Variants in SNX15 observed in about 807,000 individuals in gnomAD.
SNX15 encodes sorting nexin 15, also known as sorting nexin-15.
A neutral mutation model predicts 35.2 loss-of-function variants in SNX15; 29 were observed. That is an observed-to-expected ratio of 0.82 (90% CI 0.61 to 1.12). The LOEUF (loss-of-function observed/expected upper bound fraction) is 1.12, where lower values mean the gene tolerates loss of function less well. SNX15 is among the 50% of genes most tolerant of loss of function. SNX15 has a pLI of 0.00. For synonymous variants in SNX15, 189 were observed against 188.2 expected (o/e 1.00, Z -0.03); for missense variants, 400 against 451.5 (o/e 0.89, Z 1.03).
Position 65,027,499 on chromosome 11 carries a change from G to A in SNX15, c.-39G>A. 1 of 1,554,948 alleles carries A rather than the reference G, an allele frequency of 6.4e-7. No individual in the cohort carries two copies. Among genetic ancestry groups the A allele is most frequent in the South Asian group, 1.1e-5 (1 of 89,872 alleles). On this transcript the variant is annotated 5_prime_UTR_variant, in exon 1 of 8. Coordinates refer to ENST00000377244, the MANE Select transcript of SNX15 (RefSeq NM_013306.5). ...GCCGGAGGGGTGGGGACGGCGAGGA[G>A]GTGGAGGCCGGCGCTCCGCTCCGCT...
Position 65,028,132 on chromosome 11 carries a change from G to A in SNX15, c.99+496G>A, listed in dbSNP as rs79668718. On this transcript the variant is annotated intron_variant, in intron 1 of 7. Transcript: ENST00000377244. ...CTTAAGGAGTAAGTCGCCATATCAA[G>A]GTCACAGCAGGAAGATAGATAGGCT... 3.5e-3 allele frequency among the ~76,000 whole-genome samples: 539 copies of A among 152,260 alleles called. 3 individuals carry two copies. Among genetic ancestry groups the A allele is most frequent in the Middle Eastern group, 6.8e-3 (2 of 294 alleles).
At chr11:65,037,928 A>G (rs1459759763) in intron 6 of SNX15, 1 of 152,204 alleles carries the variant, frequency 6.6e-6, no homozygotes, top group Non-Finnish European at 1.5e-5. Context: ...GGGTATCATG[A>G]TGCTTCCTGC....
chr11:65,032,179 G>A lies in SNX15; in HGVS notation c.111G>A (p.Lys37=), dbSNP rs894069719. 6.2e-7 allele frequency: 1 copy of A among 1,614,182 alleles called. No individual in the cohort carries two copies. The highest frequency in any genetic ancestry group is 1.3e-5 in the African/African-American group (1 of 75,056). ...EYKVTAQFIS[K]KDPEDVKEVV... ...CCTTTCTTTCTCAGTTCATCTCAAA[G>A]AAGGACCCAGAGGATGTCAAAGAGG... The change falls in exon 2 of 8, where the codon AAG becomes AAA. Residue 37 remains lysine, a synonymous_variant. Transcript: ENST00000377244.
At position 65,039,842 on chromosome 11, in the gene SNX15, T is replaced by G. The variant is rs369495691; in HGVS notation, c.*50T>G. The G allele has an allele frequency of 1.7e-5, 22 of 1,297,992 alleles. No individual in the cohort carries two copies. The highest frequency in any genetic ancestry group is 2.4e-5 in the Non-Finnish European group (22 of 909,994). The allele number at this position is 1,297,992 out of a possible 1,614,324, so 80.4% of individuals were successfully genotyped here. On this transcript the variant is annotated 3_prime_UTR_variant, in exon 8 of 8. Transcript: ENST00000377244. Reference sequence around the variant, plus strand: ...CTCTCGCTCCTGCACTGCCAGCCCCTTCTCCTCTCCCCAGGGCCTGGCCCT... The same window carrying G: ...CTCTCGCTCCTGCACTGCCAGCCCCGTCTCCTCTCCCCAGGGCCTGGCCCT...
intron 3 of SNX15, among the ~76,000 whole-genome samples, chr11:65,033,597 T>C (rs1290965155): frequency 2.0e-5 from 3 of 151,992 alleles, no homozygotes; most frequent in Admixed American, 6.6e-5. Flanking sequence ...TTAATCTAGC[T>C]GCTAGAAAAT....
At chr11:65,028,610 G>A (rs1946401477) in intron 1 of SNX15, among the ~76,000 whole-genome samples, 1 of 149,240 alleles carries the variant, frequency 6.7e-6, no homozygotes, top group Non-Finnish European at 1.5e-5. Flanking sequence ...GATTGCTTGA[G>A]CTCAGGAGCT....
rs555086922 is a variant in SNX15 at position 65,032,834 on chromosome 11, A to G, written c.256+283A>G. On this transcript the variant is annotated intron_variant, in intron 3 of 7. Coordinates refer to ENST00000377244, the MANE Select transcript of SNX15 (RefSeq NM_013306.5). The stretch of plus-strand genomic sequence containing the variant: ...GAGGCCAAGGCAAAACTCCATCTCA[A>G]AGGAAAAAAAATCCTGTCTTTATCA... 3.3e-5 allele frequency among the ~76,000 whole-genome samples: 5 copies of G among 152,216 alleles called. No homozygotes were observed. In the East Asian group the frequency reaches 9.7e-4, roughly 29 times the overall value.
At position 65,034,908 on chromosome 11, in the gene SNX15, C is replaced by A. The variant is rs750312075; in HGVS notation, c.318C>A (p.Phe106Leu). 2 of 1,614,080 alleles carry A rather than the reference C, an allele frequency of 1.2e-6. No individual in the cohort carries two copies. The highest frequency in any genetic ancestry group is 2.2e-5 in the South Asian group (2 of 91,084). The change falls in exon 4 of 8, where the codon TTC (phenylalanine) becomes TTA (leucine). Residue 106 changes from phenylalanine (F) to leucine (L), a missense_variant. By Grantham distance (22) the Phe-to-Leu change is conservative. Transcript: ENST00000377244. ...RRKGAEDLLRFTVHIPALNNS... is the reference protein window; with the variant it reads ...RRKGAEDLLRLTVHIPALNNS... Reference sequence around the variant, plus strand: ...AGGGGGCAGAGGACCTGCTTCGCTTCACTGTGCACATACCTGCGCTCAACA... The same window carrying A: ...AGGGGGCAGAGGACCTGCTTCGCTTAACTGTGCACATACCTGCGCTCAACA...
chr11:65,028,496 C>T (rs1185553566), intron 1 of SNX15, among the ~76,000 whole-genome samples: 1 of 152,050 alleles, frequency 6.6e-6, no homozygotes, highest in Non-Finnish European at 1.5e-5. Context: ...ATATGCTTTC[C>T]CCAAACCGTT....
Position 65,035,525 on chromosome 11 carries a change from C to T in SNX15, c.526C>T (p.Pro176Ser). 2 of 1,589,360 alleles carry T rather than the reference C, an allele frequency of 1.3e-6. No individual in the cohort carries two copies. The highest frequency in any genetic ancestry group is 1.7e-6 in the Non-Finnish European group (2 of 1,171,032). The change falls in exon 6 of 8, where the codon CCC becomes TCC. Residue 176 changes from proline (P) to serine (S), a missense_variant. Coordinates refer to ENST00000377244, the MANE Select transcript of SNX15 (RefSeq NM_013306.5). ...CCCACTTATCTCTTCCTCAGTGGAC[C>T]CCCCACCATCCAGCCCTGCCCAGGA... ...GLEELEVPVD[P>S]PPSSPAQEAL...
rs575741290 is a variant in SNX15 at position 65,030,568 on chromosome 11, A to G, written c.100-1600A>G. On this transcript the variant is annotated intron_variant, in intron 1 of 7. Coordinates refer to ENST00000377244, the MANE Select transcript of SNX15 (RefSeq NM_013306.5). ...GGCTGGAGTGCAGTGGCATGATCTC[A>G]GCTCACTGCAACCTCTGCCTCCTGG... Among the ~76,000 whole-genome samples the G allele has an allele frequency of 2.4e-3, 345 of 145,862 alleles. 1 individual carries two copies. The highest frequency in any genetic ancestry group is 8.2e-3 in the African/African-American group (323 of 39,306).
At position 65,034,962 on chromosome 11, in the gene SNX15, G is replaced by A. The variant is rs1946482924; in HGVS notation, c.372G>A (p.Arg124=). Residue 124 remains arginine (R), a splice_region_variant and synonymous_variant, in exon 4 of 8, where the codon CGG becomes CGA. Transcript: ENST00000377244. The part of the protein sequence containing the change: ...NNSPQLKEFF[R]GGEVTRPLEV... ...GCCCCCAGCTCAAGGAGTTCTTCCG[G>A]GTATGTGCACCTTCCACCTTCCCAG... The A allele has an allele frequency of 6.2e-7, 1 of 1,613,902 alleles. No individual in the cohort carries two copies. Among genetic ancestry groups the A allele is most frequent in the Non-Finnish European group, 8.5e-7 (1 of 1,179,886 alleles).
chr11:65,027,456 G>T lies in SNX15; in HGVS notation c.-82G>T. ...AGAAGAGCGCAGGCCTGGCGAGGCG[G>T]CGGCGGGCGGAGGCTGGGCCGGAGG... On this transcript the variant is annotated 5_prime_UTR_variant, in exon 1 of 8. Coordinates refer to ENST00000377244, the MANE Select transcript of SNX15 (RefSeq NM_013306.5). 9.1e-7 allele frequency: 1 copy of T among 1,095,156 alleles called. No homozygotes were observed. The highest frequency in any genetic ancestry group is 1.4e-6 in the Non-Finnish European group (1 of 712,484). The allele number at this position is 1,095,156 out of a possible 1,614,324, so 67.8% of individuals were successfully genotyped here.
chr11:65,035,277 T>C, intron 5 of SNX15, 71 bp downstream of exon 5: 1 of 1,403,222 alleles, frequency 7.1e-7, no homozygotes, highest in Non-Finnish European at 9.6e-7. Flanking sequence ...CACTCCCTCC[T>C]CAGTGATCTT....
Position 65,038,771 on chromosome 11 carries a change from C to T in SNX15, c.864C>T (p.Tyr288=), listed in dbSNP as rs758169649. Residue 288 remains tyrosine, a synonymous_variant, in exon 7 of 8, where the codon TAC becomes TAT. Coordinates refer to ENST00000377244, the MANE Select transcript of SNX15 (RefSeq NM_013306.5). The stretch of plus-strand genomic sequence containing the variant: ...TGCGGGATGAGAAGGCAGGCGCTTA[C>T]GCTGCTGCACTCCAGGGCTATCGAG... ...QALRDEKAGA[Y]AAALQGYRDG... 2.2e-5 allele frequency: 35 copies of T among 1,599,728 alleles called. No individual in the cohort carries two copies. Among genetic ancestry groups the T allele is most frequent in the South Asian group, 3.4e-5 (3 of 88,724 alleles).
chr11:65,032,074 T>C (rs1946445557), intron 1 of SNX15, 94 bp from the exon 2 acceptor site: 2 of 1,244,528 alleles, frequency 1.6e-6, no homozygotes, highest in Admixed American at 3.5e-5. Context: ...TACTGCCCCG[T>C]GAGGGGGACT....
intron 2 of SNX15, 109 bp downstream of exon 2, chr11:65,032,312 C>T (rs886454497): frequency 3.8e-6 from 6 of 1,583,924 alleles, no homozygotes; most frequent in South Asian, 1.1e-5. Context: ...CTCCCTGTCC[C>T]TGGGCGAGGG....
Position 65,038,849 on chromosome 11 carries a change from G to A in SNX15, c.922+20G>A. 1.3e-6 allele frequency: 2 copies of A among 1,539,016 alleles called. No individual in the cohort carries two copies. Among genetic ancestry groups the A allele is most frequent in the South Asian group, 2.5e-5 (2 of 80,556 alleles). On this transcript the variant is annotated intron_variant, in intron 7 of 7. Coordinates refer to ENST00000377244, the MANE Select transcript of SNX15 (RefSeq NM_013306.5). ...TCCCCAGTGAGTAGGGACTGAGGGT[G>A]GAGGGTCAGGCCTGGGTCCCAGGTG...
At chr11:65,038,150 T>G in intron 6 of SNX15, 2 of 523,788 alleles carry the variant, frequency 3.8e-6, no homozygotes, top group Non-Finnish European at 4.9e-6. Context: ...AGAAAACCCC[T>G]GAGATTCTCT....
Sources: gnomAD v4.1 joint callset for allele counts (sites outside exome capture counted in the v4.1 genomes callset) on GRCh38, gnomAD v4.1.1 for gene constraint, MANE v1.5 for transcripts, NCBI Gene and HGNC (gene_info 2026-07-23, HGNC 2026-07-21) for gene names.